Variants in SGCZ observed in about 807,000 individuals in gnomAD.
SGCZ encodes zeta-sarcoglycan.
In SGCZ, 40 loss-of-function variants were observed where a neutral mutation model predicts 41.3. The ratio of observed to expected loss-of-function variants is 0.97; its 90% CI spans 0.75 to 1.26. SGCZ has a LOEUF of 1.26. Ranked by LOEUF, SGCZ falls within the 50% of genes most tolerant of loss-of-function variation. The pLI, the probability that SGCZ is intolerant of heterozygous loss-of-function variation, is 0.00. For missense variants in SGCZ, 552 were observed against 369.8 expected, an observed-to-expected ratio of 1.49 and a Z score of -4.04; for synonymous variants, 206 against 137.5, an observed-to-expected ratio of 1.50 and a Z score of -3.49.
chr8:14,872,018 G>A (rs1804174825), intron 1 of SGCZ, among the ~76,000 whole-genome samples: 1 of 151,770 alleles, frequency 6.6e-6, no homozygotes, highest in Non-Finnish European at 1.5e-5. Context: ...GTCCTTTGCA[G>A]GAACATGGAA....
rs376530633 is a variant in SGCZ, at chr8:14,896,437, T to TTTTA, written c.39+341144_39+341147dup. Among the ~76,000 whole-genome samples the TTTTA allele has an allele frequency of 6.4e-3, 976 of 151,408 alleles. 6 individuals carry two copies. Among genetic ancestry groups the TTTTA allele is most frequent in the African/African-American group, 0.014 (577 of 40,980 alleles). ...TTCATGTTGACTCATGATGGAAGAC[T>TTTTA]TTTATTTATTTATTTATTTATTTAT... On this transcript the variant is annotated intron_variant, in intron 1 of 7. Transcript: ENST00000382080.
chr8:14,834,767 C>T (rs1190768541), intron 1 of SGCZ, among the ~76,000 whole-genome samples: 1 of 152,136 alleles, frequency 6.6e-6, no homozygotes, highest in South Asian at 2.1e-4. Flanking sequence ...GAGAGCATGT[C>T]TTCCTTGATA....
At chr8:14,638,023 G>T (rs1806890906) in intron 1 of SGCZ, among the ~76,000 whole-genome samples, 1 of 151,732 alleles carries the variant, frequency 6.6e-6, no homozygotes, top group African/African-American at 2.4e-5. Context: ...CTAGTCTGAG[G>T]TTATATTTCA....
intron 5 of SGCZ, among the ~76,000 whole-genome samples, 185 bp from the exon 6 acceptor site, chr8:14,108,420 A>C (rs1277314671): frequency 6.6e-6 from 1 of 152,210 alleles, no homozygotes; most frequent in Non-Finnish European, 1.5e-5. Flanking sequence ...AAGAGGTTTA[A>C]TTGCACTTAC....
chr8:14,803,510 G>A (rs111812608), intron 1 of SGCZ, among the ~76,000 whole-genome samples: 2,438 of 152,226 alleles, frequency 0.016, 53 homozygotes, highest in African/African-American at 0.043. Flanking sequence ...CGAATACCGC[G>A]CTTTTCCGAT....
intron 2 of SGCZ, among the ~76,000 whole-genome samples, chr8:14,433,635 A>G (rs752017013): frequency 2.1e-4 from 32 of 152,150 alleles, no homozygotes; most frequent in Non-Finnish European, 3.7e-4. Context: ...CCCTTTTCCT[A>G]TTTAGAAAAA....
intron 1 of SGCZ, among the ~76,000 whole-genome samples, chr8:14,875,147 T>G (rs571123096): frequency 1.1e-4 from 17 of 152,250 alleles, no homozygotes; most frequent in African/African-American, 3.9e-4. Flanking sequence ...CTAGGTAGGT[T>G]TTGGTAAAGG....
chr8:14,879,347 C>G (rs1227491058), intron 1 of SGCZ: 1 of 151,488 alleles, frequency 6.6e-6, no homozygotes, highest in African/African-American at 2.4e-5. Flanking sequence ...ACAAAACAAA[C>G]AGACAAATAA....
At chr8:14,953,516 T>C (rs1039805161) in intron 1 of SGCZ, among the ~76,000 whole-genome samples, 1 of 152,074 alleles carries the variant, frequency 6.6e-6, no homozygotes, top group Non-Finnish European at 1.5e-5. Context: ...CATCCAAAGA[T>C]GTAGTTTTGA....
At chr8:14,462,366 A>G (rs1322712643) in intron 2 of SGCZ, among the ~76,000 whole-genome samples, 1 of 152,032 alleles carries the variant, frequency 6.6e-6, no homozygotes, top group African/African-American at 2.4e-5. Flanking sequence ...AAAATTTACT[A>G]TCTTAAATAT....
chr8:15,155,167 C>G (rs11785301), intron 1 of SGCZ, among the ~76,000 whole-genome samples: 4 of 151,852 alleles, frequency 2.6e-5, no homozygotes, highest in African/African-American at 9.7e-5. Flanking sequence ...TGGTGGTGCA[C>G]GCCTATAGTC....
intron 1 of SGCZ, among the ~76,000 whole-genome samples, chr8:14,737,450 A>C: frequency 6.6e-6 from 1 of 152,204 alleles, no homozygotes; most frequent in East Asian, 1.9e-4. Flanking sequence ...AATTTCAATC[A>C]ATCCTCCTTC....
At chr8:14,409,120 T>C (rs768375095) in intron 2 of SGCZ, among the ~76,000 whole-genome samples, 2 of 152,108 alleles carry the variant, frequency 1.3e-5, no homozygotes, top group Non-Finnish European at 2.9e-5. Flanking sequence ...ATTTAAGTTG[T>C]TGAACTGATT....
intron 2 of SGCZ, among the ~76,000 whole-genome samples, chr8:14,408,355 G>C (rs970501605): frequency 2.0e-5 from 3 of 152,088 alleles, no homozygotes; most frequent in Non-Finnish European, 4.4e-5. Flanking sequence ...CAACGTCCTA[G>C]AAAGCACCAT....
At chr8:14,106,268 C>A (rs1161950868) in intron 6 of SGCZ, among the ~76,000 whole-genome samples, 4 of 152,030 alleles carry the variant, frequency 2.6e-5, no homozygotes, top group East Asian at 1.9e-4. Context: ...AAGAAAGATA[C>A]AATAAATATT....
rs1489085388 is a variant in SGCZ, at chr8:14,672,101, A to G, written c.40-117175T>C. On this transcript the variant is annotated intron_variant, in intron 1 of 7. Coordinates refer to ENST00000382080, the MANE Select transcript of SGCZ (RefSeq NM_139167.4). ...GAAATAGAGGAAGAGTACTGAAAAT[A>G]AATAATGCGGGAATTTAAAAAGAAC... Among the ~76,000 whole-genome samples, 3 of 152,324 alleles carry G rather than the reference A, an allele frequency of 2.0e-5. No individual in the cohort carries two copies. In the East Asian group the frequency reaches 5.8e-4, roughly 29 times the overall value.
chr8:14,848,154 A>G (rs970141319), intron 1 of SGCZ, among the ~76,000 whole-genome samples: 1 of 152,164 alleles, frequency 6.6e-6, no homozygotes, highest in Non-Finnish European at 1.5e-5. Context: ...TATGGTAAAT[A>G]TGGTAAATAA....
intron 1 of SGCZ, among the ~76,000 whole-genome samples, chr8:14,613,992 T>C (rs939000211): frequency 6.6e-6 from 1 of 152,202 alleles, no homozygotes; most frequent in Non-Finnish European, 1.5e-5. Context: ...ATTAAATTCA[T>C]TGACAGTTTA....
chr8:14,135,457 A>T (rs1803166999), intron 5 of SGCZ, among the ~76,000 whole-genome samples: 1 of 152,214 alleles, frequency 6.6e-6, no homozygotes, highest in Non-Finnish European at 1.5e-5. Flanking sequence ...AAGTAAGAGG[A>T]TAACAGGGCT....
Sources: allele counts gnomAD v4.1 joint callset (sites outside exome capture counted in the v4.1 genomes callset), GRCh38; gene constraint gnomAD v4.1.1; transcripts MANE v1.5; gene names NCBI Gene and HGNC (gene_info 2026-07-23, HGNC 2026-07-21).